Variants in MYO16 observed in about 807,000 individuals in gnomAD.
The protein encoded by MYO16 is unconventional myosin-XVI.
Under a neutral mutation model 205.3 loss-of-function variants are expected in MYO16, and 94 were observed. That is an observed-to-expected ratio of 0.46 (90% confidence interval 0.39 to 0.54). The LOEUF (loss-of-function observed/expected upper bound fraction) is 0.54, where lower values mean the gene tolerates loss of function less well. Ranked by LOEUF, MYO16 falls within the 20% of genes least tolerant of loss-of-function variation. The pLI is 0.00. For synonymous variants in MYO16, 988 were observed against 954.0 expected (o/e 1.04, Z -0.66); for missense variants, 2,315 against 2,387.5 (o/e 0.97, Z 0.63).
intron 32 of MYO16, among the ~76,000 whole-genome samples, chr13:109,151,712 G>C (rs1469189935): frequency 6.6e-6 from 1 of 152,192 alleles, no homozygotes; most frequent in Admixed American, 6.5e-5. Context: ...TTGGATTTTG[G>C]CTTTATTATT....
intron 2 of MYO16, among the ~76,000 whole-genome samples, chr13:108,709,189 ATTCAGAGTGGTGCTGCCGT>A (rs1883629704): frequency 6.6e-6 from 1 of 152,188 alleles, no homozygotes; most frequent in Non-Finnish European, 1.5e-5. Flanking sequence ...TAACAGAAAG[ATTCAGAGTGGTGCTGCCGT>A]TTCACTTGAC....
intron 28 of MYO16, among the ~76,000 whole-genome samples, chr13:109,101,094 T>C (rs543900856): frequency 6.6e-6 from 1 of 151,446 alleles, no homozygotes; most frequent in African/African-American, 2.4e-5. Context: ...TGAGAGGAAA[T>C]CTAACAGGCT....
chr13:108,812,931 T>C (rs1439127273), intron 7 of MYO16, among the ~76,000 whole-genome samples: 1 of 152,170 alleles, frequency 6.6e-6, no homozygotes. Flanking sequence ...GCTTTGATCT[T>C]AGACTTCCTA....
intron 15 of MYO16, among the ~76,000 whole-genome samples, chr13:108,902,161 G>A (rs1199830004): frequency 1.3e-5 from 2 of 152,158 alleles, no homozygotes; most frequent in African/African-American, 2.4e-5. Context: ...CGATGTTTCC[G>A]AGAAGGAACA....
rs899572589 is a variant in MYO16, at chr13:109,125,179, T to G, written c.3603T>G (p.Thr1201=). 1.2e-6 allele frequency: 2 copies of G among 1,614,036 alleles called. No individual in the cohort carries two copies. Among genetic ancestry groups the G allele is most frequent in the Admixed American group, 1.7e-5 (1 of 60,000 alleles). The change falls in exon 30 of 35, where the codon ACT becomes ACG. Residue 1201 remains threonine, a synonymous_variant. Coordinates refer to ENST00000457511, the MANE Select transcript of MYO16 (RefSeq NM_001198950.3). This position sits in a 1 kb window ranked among gnomAD's most constrained non-coding sequence, Gnocchi z 4.0. ...QRISIRQQEV[T]SINSFLQNTE... is the part of the protein sequence containing the mutation. The stretch of plus-strand genomic sequence containing the variant: ...TAAGCATCAGACAACAAGAGGTGAC[T>G]TCTATCAATAGCTTTCTGCAGAACA...
At chr13:109,160,618 A>G (rs1383533065) in intron 32 of MYO16, among the ~76,000 whole-genome samples, 1 of 152,206 alleles carries the variant, frequency 6.6e-6, no homozygotes, top group Non-Finnish European at 1.5e-5. Flanking sequence ...TGTCTCAGAC[A>G]CACCTTTAAA....
intron 15 of MYO16, among the ~76,000 whole-genome samples, chr13:108,903,358 A>C (rs758433218): frequency 7.2e-6 from 1 of 139,580 alleles, no homozygotes; most frequent in Non-Finnish European, 1.5e-5. Flanking sequence ...GAAAAACATC[A>C]TGTATACAGG....
chr13:108,706,626 C>T (rs556094912), intron 2 of MYO16, among the ~76,000 whole-genome samples: 131 of 152,234 alleles, frequency 8.6e-4, no homozygotes, highest in Middle Eastern at 3.4e-3. Flanking sequence ...CTTCTCTGTA[C>T]ATCTGCACCT....
At chr13:108,921,914 G>A (rs1881761421) in intron 16 of MYO16, among the ~76,000 whole-genome samples, 1 of 152,204 alleles carries the variant, frequency 6.6e-6, no homozygotes, top group African/African-American at 2.4e-5. Context: ...CAGTGGAAGC[G>A]TTGGCTAGTA....
chr13:108,798,705 T>A (rs968816480), intron 6 of MYO16, among the ~76,000 whole-genome samples: 3 of 126,666 alleles, frequency 2.4e-5, no homozygotes, highest in South Asian at 2.8e-4. Context: ...TTTTTTTTTT[T>A]TTTTTTTTTT....
intron 2 of MYO16, among the ~76,000 whole-genome samples, chr13:108,688,712 G>T (rs1882777687): frequency 6.6e-6 from 1 of 152,118 alleles, no homozygotes; most frequent in Admixed American, 6.6e-5. Flanking sequence ...TTTTATGCAG[G>T]TGGGCATTTG....
At chr13:108,706,755 T>C (rs371160909) in intron 2 of MYO16, among the ~76,000 whole-genome samples, 1 of 152,244 alleles carries the variant, frequency 6.6e-6, no homozygotes, top group East Asian at 1.9e-4. Context: ...CACGAAGACC[T>C]TGGACTTGGC....
the MYO16 span, among the ~76,000 whole-genome samples, chr13:108,564,711 C>A: frequency 6.6e-6 from 1 of 152,120 alleles, no homozygotes; most frequent in South Asian, 2.1e-4. Context: ...GAATATTACT[C>A]AAGAAATTTT....
chr13:108,907,628 A>G (rs1475439182), intron 15 of MYO16, among the ~76,000 whole-genome samples: 7 of 152,210 alleles, frequency 4.6e-5, no homozygotes, highest in Non-Finnish European at 8.8e-5. Context: ...GCTTCCATCT[A>G]AAAGCTCACT....
At chr13:109,064,954 C>T (rs1395869170) in intron 27 of MYO16, among the ~76,000 whole-genome samples, 2 of 152,162 alleles carry the variant, frequency 1.3e-5, no homozygotes, top group Non-Finnish European at 2.9e-5. Flanking sequence ...TTTTTTCTCT[C>T]ACTGCTGTGA....
At chr13:109,011,705 G>A (rs1885606656) in intron 22 of MYO16, among the ~76,000 whole-genome samples, 1 of 151,866 alleles carries the variant, frequency 6.6e-6, no homozygotes, top group African/African-American at 2.4e-5. Context: ...AGTAGAGACA[G>A]GGTTTCACCA....
the MYO16 span, among the ~76,000 whole-genome samples, chr13:108,562,902 CTG>C: frequency 1.3e-5 from 2 of 152,004 alleles, no homozygotes; most frequent in African/African-American, 4.8e-5. Context: ...TGTTAACGGA[CTG>C]TGTTTGTGAT....
intron 23 of MYO16, among the ~76,000 whole-genome samples, chr13:109,041,621 A>G (rs768640721): frequency 1.8e-4 from 27 of 152,188 alleles, no homozygotes; most frequent in Admixed American, 6.5e-5. Context: ...TAAATATTCT[A>G]TATTTTCACT....
chr13:108,888,690 CT>C (rs1300632703), intron 14 of MYO16, among the ~76,000 whole-genome samples: 1 of 152,122 alleles, frequency 6.6e-6, no homozygotes, highest in Non-Finnish European at 1.5e-5. Flanking sequence ...TACATACTTT[CT>C]TTTTGTATTT....
Sources: gnomAD v4.1 joint callset for allele counts (sites outside exome capture counted in the v4.1 genomes callset) on GRCh38, gnomAD v4.1.1 for gene constraint, Gnocchi (gnomAD v3.1) non-coding constraint, MANE v1.5 for transcripts, NCBI Gene and HGNC (gene_info 2026-07-23, HGNC 2026-07-21) for gene names.